Variants in GSG1L observed in about 807,000 individuals in gnomAD.
The protein encoded by GSG1L is GSG1 like.
A neutral mutation model predicts 42.1 loss-of-function variants in GSG1L; 24 were observed. That is an observed-to-expected ratio of 0.57 (90% CI 0.41 to 0.80). The LOEUF is 0.80. Among genes scored for constraint, GSG1L ranks in the 30% least tolerant of loss-of-function variants. GSG1L has a pLI of 0.00. For synonymous variants in GSG1L, 215 were observed against 203.5 expected (o/e 1.06, Z -0.48); for missense variants, 445 against 472.2 (o/e 0.94, Z 0.53).
intron 2 of GSG1L, among the ~76,000 whole-genome samples, chr16:27,949,480 T>G (rs2141094348): frequency 6.6e-6 from 1 of 152,010 alleles, no homozygotes; most frequent in East Asian, 1.9e-4. Flanking sequence ...AGTAACCAAG[T>G]GTGGTGGCGC....
At chr16:27,948,692 C>A (rs982768328) in intron 2 of GSG1L, among the ~76,000 whole-genome samples, 4 of 150,246 alleles carry the variant, frequency 2.7e-5, no homozygotes, top group Non-Finnish European at 5.9e-5. Context: ...TCATTGCAAG[C>A]TTCACCTCCC....
At chr16:27,995,835 C>T (rs1481461669) in intron 1 of GSG1L, among the ~76,000 whole-genome samples, 1 of 151,538 alleles carries the variant, frequency 6.6e-6, no homozygotes, top group African/African-American at 2.4e-5. Flanking sequence ...AACCCAGGGC[C>T]ATTGAAGAAG....
intron 2 of GSG1L, among the ~76,000 whole-genome samples, chr16:27,887,749 T>C (rs1159014889): frequency 6.6e-6 from 1 of 152,242 alleles, no homozygotes; most frequent in African/African-American, 2.4e-5. Flanking sequence ...ACAGTGCTTT[T>C]AGAGTTTCAG....
At chr16:27,820,063 C>T (rs2083135436) in intron 5 of GSG1L, among the ~76,000 whole-genome samples, 1 of 152,096 alleles carries the variant, frequency 6.6e-6, no homozygotes, top group South Asian at 2.1e-4. Flanking sequence ...TGCAGGTTTC[C>T]AGCTTGCACA....
chr16:27,856,445 C>G (rs1263118819), intron 3 of GSG1L, among the ~76,000 whole-genome samples: 1 of 152,144 alleles, frequency 6.6e-6, no homozygotes. Flanking sequence ...TCCTGAGTAG[C>G]TGGGACCACA....
At chr16:27,861,980 A>T (rs1025138599) in intron 3 of GSG1L, among the ~76,000 whole-genome samples, 1 of 152,178 alleles carries the variant, frequency 6.6e-6, no homozygotes, top group African/African-American at 2.4e-5. Context: ...CTCAGATGTG[A>T]CCCAACCCAA....
intron 2 of GSG1L, among the ~76,000 whole-genome samples, chr16:27,926,104 A>G (rs1301804499): frequency 1.3e-5 from 2 of 152,208 alleles, no homozygotes; most frequent in African/African-American, 4.8e-5. Flanking sequence ...CAAGATAGGA[A>G]AAAGGAGTGA....
At chr16:27,946,600 AGAGAGAGAGAGAGAGAGAGAG>A (rs2084866733) in intron 2 of GSG1L, among the ~76,000 whole-genome samples, 2 of 5,884 alleles carry the variant, frequency 3.4e-4, no homozygotes, top group African/African-American at 1.6e-3. Flanking sequence ...AGAGAGAGAG[AGAGAGAGAGAGAGAGAGAGAG>A]AGAGAGAGAG....
chr16:27,964,949 G>A (rs2085113365), intron 1 of GSG1L, among the ~76,000 whole-genome samples: 1 of 152,156 alleles, frequency 6.6e-6, no homozygotes, highest in Non-Finnish European at 1.5e-5. Context: ...TTGTTTGCCT[G>A]TGTCAAAACA....
intron 2 of GSG1L, among the ~76,000 whole-genome samples, chr16:27,924,154 A>G (rs2084564006): frequency 1.3e-5 from 2 of 151,798 alleles, no homozygotes; most frequent in South Asian, 4.2e-4. Flanking sequence ...ATAAAAATAT[A>G]TAATATATAT....
chr16:27,819,547 C>T (rs529832002), intron 5 of GSG1L, among the ~76,000 whole-genome samples: 11 of 152,292 alleles, frequency 7.2e-5, no homozygotes, highest in Non-Finnish European at 1.6e-4. Context: ...CGTGATGCTG[C>T]CCAGCTTGGC....
At chr16:27,888,485 T>C (rs867775440) in intron 2 of GSG1L, among the ~76,000 whole-genome samples, 742 of 6,078 alleles carry the variant, frequency 0.12, 70 homozygotes, top group Middle Eastern at 0.17. Context: ...TCTCTTTCCT[T>C]TCTTTCTTTC....
At chr16:27,927,909 T>G (rs2084613386) in intron 2 of GSG1L, among the ~76,000 whole-genome samples, 1 of 152,172 alleles carries the variant, frequency 6.6e-6, no homozygotes, top group South Asian at 2.1e-4. Flanking sequence ...GGCCTGGACA[T>G]CAGCATTTCC....
intron 2 of GSG1L, among the ~76,000 whole-genome samples, chr16:27,922,000 CTTT>C (rs5816454): frequency 1.6e-4 from 22 of 133,596 alleles, no homozygotes; most frequent in Admixed American, 2.3e-4. Flanking sequence ...TGTTTGTTGT[CTTT>C]TTTTTTTTTT....
chr16:27,890,570 G>T (rs1468458797), intron 2 of GSG1L, among the ~76,000 whole-genome samples: 2 of 152,210 alleles, frequency 1.3e-5, no homozygotes, highest in Non-Finnish European at 2.9e-5. Context: ...TCAGTGGGCT[G>T]TGCACCTATG....
At chr16:27,917,457 A>C (rs1021538626) in intron 2 of GSG1L, among the ~76,000 whole-genome samples, 23 of 152,172 alleles carry the variant, frequency 1.5e-4, no homozygotes, top group African/African-American at 5.1e-4. Context: ...GCTGTGGAGA[A>C]AGAAAGGGTG....
At chr16:27,857,466 G>A (rs924181726) in intron 3 of GSG1L, among the ~76,000 whole-genome samples, 1 of 151,530 alleles carries the variant, frequency 6.6e-6, no homozygotes, top group Non-Finnish European at 1.5e-5. Context: ...GGGGGGCCAG[G>A]TGCGATGGTT....
At chr16:27,809,624 T>C (rs976848539) in intron 5 of GSG1L, among the ~76,000 whole-genome samples, 1 of 151,932 alleles carries the variant, frequency 6.6e-6, no homozygotes, top group African/African-American at 2.4e-5. Context: ...AAGCACACAG[T>C]GGGTGCTCCA....
At chr16:27,962,069 C>T (rs539289377) in intron 2 of GSG1L, among the ~76,000 whole-genome samples, 174 of 152,306 alleles carry the variant, frequency 1.1e-3, no homozygotes, top group Non-Finnish European at 2.2e-3. Context: ...GACATGCATA[C>T]CTGTTTCACT....
Sources: allele counts gnomAD v4.1 joint callset (sites outside exome capture counted in the v4.1 genomes callset), GRCh38; gene constraint gnomAD v4.1.1; transcripts MANE v1.5; gene names NCBI Gene and HGNC (gene_info 2026-07-23, HGNC 2026-07-21).